The following ADAMTS16 variants were observed in gnomAD, a reference collection of about 807,000 sequenced individuals.
ADAMTS16 encodes the protein ADAM metallopeptidase with thrombospondin type 1 motif 16.
A neutral mutation model predicts 145.8 loss-of-function variants in ADAMTS16; 94 were observed. That is an observed-to-expected ratio of 0.64 (90% CI 0.55 to 0.77). The LOEUF (loss-of-function observed/expected upper bound fraction) is 0.77. ADAMTS16 is among the 30% of genes least tolerant of loss of function. The probability of loss-of-function intolerance (pLI) is 0.00; values close to 1 mark genes in which losing one functional copy is unlikely to be tolerated. For synonymous variants in ADAMTS16, 659 were observed against 604.3 expected, an observed-to-expected ratio of 1.09 and a Z score of -1.33; for missense variants, 1,585 against 1,591.5, an observed-to-expected ratio of 1.00 and a Z score of 0.07.
chr5:5,271,226 A>C (rs901824055), intron 18 of ADAMTS16, among the ~76,000 whole-genome samples: 14 of 152,182 alleles, frequency 9.2e-5, no homozygotes, highest in African/African-American at 3.4e-4. Flanking sequence ...TAAGTCCTAA[A>C]TCTCTGCAGG....
intron 3 of ADAMTS16, among the ~76,000 whole-genome samples, chr5:5,159,312 G>A (rs1175958757): frequency 1.3e-5 from 2 of 152,156 alleles, no homozygotes; most frequent in East Asian, 3.8e-4. Flanking sequence ...AGTCAGACAG[G>A]TCTTGATCAA....
intron 18 of ADAMTS16, among the ~76,000 whole-genome samples, chr5:5,266,850 C>G (rs1263323350): frequency 6.6e-6 from 1 of 152,208 alleles, no homozygotes; most frequent in East Asian, 1.9e-4. Flanking sequence ...TTAAATCTAT[C>G]AAAACATCAC....
chr5:5,233,800 A>G (rs1280028449), intron 12 of ADAMTS16, among the ~76,000 whole-genome samples: 1 of 152,190 alleles, frequency 6.6e-6, no homozygotes, highest in Non-Finnish European at 1.5e-5. Context: ...TGCACAATGA[A>G]CATTCATGTG....
chr5:5,144,313 C>A (rs1323083898), intron 2 of ADAMTS16, among the ~76,000 whole-genome samples: 1 of 152,056 alleles, frequency 6.6e-6, no homozygotes, highest in African/African-American at 2.4e-5. Flanking sequence ...CACTTTTTTT[C>A]CTTTAAAAGG....
chr5:5,288,451 G>A (rs183154859), intron 18 of ADAMTS16, among the ~76,000 whole-genome samples: 131 of 152,286 alleles, frequency 8.6e-4, no homozygotes, highest in African/African-American at 2.7e-3. Flanking sequence ...TGTGCATAAT[G>A]ACTAAGGGAA....
chr5:5,258,544 C>T (rs1234047205), intron 17 of ADAMTS16, among the ~76,000 whole-genome samples: 4 of 152,210 alleles, frequency 2.6e-5, no homozygotes, highest in Middle Eastern at 3.2e-3. Context: ...GCTTGAGAAC[C>T]GGTGAGCCAA....
At chr5:5,182,392 G>A in intron 4 of ADAMTS16, 87 bp downstream of exon 4, 1 of 1,506,542 alleles carries the variant, frequency 6.6e-7, no homozygotes, top group Non-Finnish European at 8.9e-7. Flanking sequence ...TTCAAAGCAT[G>A]TCTGCCCACG....
intron 3 of ADAMTS16, among the ~76,000 whole-genome samples, chr5:5,169,298 A>G (rs147516734): frequency 6.6e-6 from 1 of 152,322 alleles, no homozygotes; most frequent in African/African-American, 2.4e-5. Context: ...GAAAACATTC[A>G]TGCTTAGCTG....
At chr5:5,251,225 C>A (rs978599522) in intron 17 of ADAMTS16, among the ~76,000 whole-genome samples, 1 of 152,210 alleles carries the variant, frequency 6.6e-6, no homozygotes, top group Admixed American at 6.5e-5. Flanking sequence ...TTCGGTCTCT[C>A]CCTCCATGCA....
intron 9 of ADAMTS16, among the ~76,000 whole-genome samples, chr5:5,204,673 C>T (rs1230424509): frequency 6.6e-6 from 1 of 152,130 alleles, no homozygotes; most frequent in African/African-American, 2.4e-5. Context: ...AAAACTTATT[C>T]ATTCATTCTG....
At chr5:5,199,756 A>G (rs1735905820) in intron 8 of ADAMTS16, among the ~76,000 whole-genome samples, 1 of 152,170 alleles carries the variant, frequency 6.6e-6, no homozygotes, top group Non-Finnish European at 1.5e-5. Context: ...TACATTTCTA[A>G]CGAACACCCA....
chr5:5,302,338 A>C (rs568622532), intron 18 of ADAMTS16, among the ~76,000 whole-genome samples: 1 of 152,360 alleles, frequency 6.6e-6, no homozygotes, highest in East Asian at 1.9e-4. Context: ...GCTGCTAACA[A>C]ATTGAAAGAA....
At chr5:5,198,434 G>T (rs1026505993) in intron 8 of ADAMTS16, among the ~76,000 whole-genome samples, 3 of 152,100 alleles carry the variant, frequency 2.0e-5, no homozygotes, top group African/African-American at 7.2e-5. Context: ...GTATTTGCAC[G>T]CCAGATTTCC....
At chr5:5,298,654 A>T (rs6555348) in intron 18 of ADAMTS16, among the ~76,000 whole-genome samples, 112,514 of 152,178 alleles carry the variant, frequency 0.74, 41,997 homozygotes, top group South Asian at 0.82. Context: ...TTTCCAACTG[A>T]CATCTCTTTA....
chr5:5,267,516 TCTC>T (rs374097793), intron 18 of ADAMTS16, among the ~76,000 whole-genome samples: 1 of 152,176 alleles, frequency 6.6e-6, no homozygotes, highest in East Asian at 1.9e-4. Context: ...ACAGCTGAGT[TCTC>T]CTCCGACCGT....
intron 18 of ADAMTS16, among the ~76,000 whole-genome samples, chr5:5,300,082 T>C (rs775788955): frequency 6.6e-6 from 1 of 152,178 alleles, no homozygotes. Flanking sequence ...AGAGAATGGA[T>C]CGACCCAGTT....
chr5:5,213,394 A>T (rs1280958899), intron 10 of ADAMTS16, among the ~76,000 whole-genome samples: 1 of 152,190 alleles, frequency 6.6e-6, no homozygotes, highest in African/African-American at 2.4e-5. Flanking sequence ...TGTTTGGATA[A>T]ATCAGTGAAA....
Position 5,237,119 on chromosome 5 carries a change from C to T in ADAMTS16, c.2154+20C>T, listed in dbSNP as rs1490538107. 2 of 1,610,800 alleles carry T rather than the reference C, an allele frequency of 1.2e-6. No homozygotes were observed. Among genetic ancestry groups the T allele is most frequent in the Non-Finnish European group, 1.7e-6 (2 of 1,178,562 alleles). Reference sequence around the variant, plus strand: ...TGTGAGGTAATCATGATCCTTCATTCATTCAACAAATGATTCCGGACAGTC... The same window carrying T: ...TGTGAGGTAATCATGATCCTTCATTTATTCAACAAATGATTCCGGACAGTC... On this transcript the variant is annotated intron_variant, in intron 14 of 22. Transcript: ENST00000274181.
chr5:5,239,153 A>T lies in ADAMTS16; in HGVS notation c.2157A>T (p.Arg719Ser). The change falls in exon 15 of 23, where the codon AGA (arginine) becomes AGT (serine). Residue 719 changes from arginine (R) to serine (S), a missense_variant and splice_region_variant. Transcript: ENST00000274181. ...ATGTGACCTCATGGGCCCTCCAGAG[A>T]GTTGGATGTGACAATGTCCTTGGAT... is the stretch of plus-strand genomic sequence containing the variant. ...RNVCIDGICERVGCDNVLGSD... is the reference protein window; with the variant it reads ...RNVCIDGICESVGCDNVLGSD... 1 of 1,549,734 alleles carries T rather than the reference A, an allele frequency of 6.5e-7. No homozygotes were observed. The highest frequency in any genetic ancestry group is 8.7e-7 in the Non-Finnish European group (1 of 1,150,282).
Sources: gnomAD v4.1 joint callset for allele counts (sites outside exome capture counted in the v4.1 genomes callset) on GRCh38, gnomAD v4.1.1 for gene constraint, MANE v1.5 for transcripts, NCBI Gene and HGNC (gene_info 2026-07-23, HGNC 2026-07-21) for gene names.